CDH12: variants seen among roughly 807,000 people sequenced by gnomAD.
The protein encoded by CDH12 is cadherin-12.
A neutral mutation model predicts 74.1 loss-of-function variants in CDH12; 41 were observed. That is an observed-to-expected ratio of 0.55 (90% CI 0.43 to 0.72). The LOEUF is 0.72. CDH12 is among the 30% of genes least tolerant of loss of function. The pLI, the probability that CDH12 is intolerant of heterozygous loss-of-function variation, is 0.00. For synonymous variants in CDH12, 399 were observed against 355.0 expected (o/e 1.12, Z -1.39); for missense variants, 945 against 977.2 (o/e 0.97, Z 0.44).
intron 4 of CDH12, among the ~76,000 whole-genome samples, chr5:22,084,566 T>A (rs1742942536): frequency 6.6e-6 from 1 of 152,182 alleles, no homozygotes; most frequent in South Asian, 2.1e-4. Flanking sequence ...ATCTCATCCC[T>A]CAATGAGAAC....
chr5:22,635,571 T>C (rs1738795287), intron 1 of CDH12, among the ~76,000 whole-genome samples: 1 of 152,082 alleles, frequency 6.6e-6, no homozygotes, highest in African/African-American at 2.4e-5. Context: ...TGGAAGAAAA[T>C]GTCTTCAAAT....
chr5:22,652,454 T>A (rs1739793464), intron 1 of CDH12, among the ~76,000 whole-genome samples: 1 of 152,186 alleles, frequency 6.6e-6, no homozygotes, highest in African/African-American at 2.4e-5. Flanking sequence ...GACAGGGTAC[T>A]GTTTTCAGTA....
At chr5:22,690,462 G>A (rs1024879308) in intron 1 of CDH12, among the ~76,000 whole-genome samples, 8 of 152,144 alleles carry the variant, frequency 5.3e-5, no homozygotes, top group Non-Finnish European at 8.8e-5. Flanking sequence ...TGGTTAGCAA[G>A]TATTTCATTA....
intron 6 of CDH12, among the ~76,000 whole-genome samples, chr5:21,870,987 A>AT (rs150657781): frequency 1.2e-3 from 187 of 152,296 alleles, no homozygotes; most frequent in African/African-American, 4.3e-3. Flanking sequence ...CCACCTCGAC[A>AT]TTCCAAAGTG....
At chr5:22,458,736 A>G (rs1290484827) in intron 2 of CDH12, among the ~76,000 whole-genome samples, 2 of 152,204 alleles carry the variant, frequency 1.3e-5, no homozygotes, top group Non-Finnish European at 1.5e-5. Flanking sequence ...ATAACACTCT[A>G]TGAACTCAAA....
At chr5:21,891,155 A>C (rs546678115) in intron 6 of CDH12, among the ~76,000 whole-genome samples, 50 of 152,240 alleles carry the variant, frequency 3.3e-4, no homozygotes, top group African/African-American at 1.2e-3. Context: ...GTTCTGTATT[A>C]AACTTTATTT....
intron 1 of CDH12, among the ~76,000 whole-genome samples, chr5:22,623,105 A>G (rs968532567): frequency 2.6e-5 from 4 of 152,196 alleles, no homozygotes; most frequent in African/African-American, 4.8e-5. Flanking sequence ...AAAGGCCTTC[A>G]ACAAAATTCA....
chr5:22,491,181 T>C (rs1160687794), intron 2 of CDH12, among the ~76,000 whole-genome samples: 1 of 152,198 alleles, frequency 6.6e-6, no homozygotes, highest in Non-Finnish European at 1.5e-5. Context: ...CAATGTTTAT[T>C]GTTCCCATCT....
intron 5 of CDH12, among the ~76,000 whole-genome samples, chr5:22,050,971 C>T (rs1195763746): frequency 6.6e-6 from 1 of 152,126 alleles, no homozygotes; most frequent in Non-Finnish European, 1.5e-5. Context: ...TCACAAGGAT[C>T]TCCTGGTTAA....
intron 10 of CDH12, among the ~76,000 whole-genome samples, chr5:21,798,522 G>A (rs1746924355): frequency 6.6e-6 from 1 of 151,962 alleles, no homozygotes; most frequent in Admixed American, 6.6e-5. Flanking sequence ...CATTTGTTAT[G>A]GACTGGATGT....
chr5:22,695,356 A>G (rs1055767728), intron 1 of CDH12, among the ~76,000 whole-genome samples: 5 of 152,124 alleles, frequency 3.3e-5, no homozygotes, highest in African/African-American at 9.7e-5. Context: ...TTGGGTATAT[A>G]CCCAGTATTG....
At chr5:21,775,932 G>C (rs1745561454) in intron 11 of CDH12, among the ~76,000 whole-genome samples, 1 of 151,914 alleles carries the variant, frequency 6.6e-6, no homozygotes, top group Non-Finnish European at 1.5e-5. Context: ...TTCTATAATG[G>C]CTCCCAACGA....
At chr5:22,842,096 T>C (rs890411670) in intron 1 of CDH12, among the ~76,000 whole-genome samples, 11 of 152,144 alleles carry the variant, frequency 7.2e-5, no homozygotes, top group Non-Finnish European at 1.3e-4. Context: ...TTTTTTAAAA[T>C]GAAAACCAAT....
intron 4 of CDH12, among the ~76,000 whole-genome samples, chr5:22,196,365 G>A (rs754398380): frequency 1.3e-5 from 2 of 151,826 alleles, no homozygotes; most frequent in East Asian, 1.9e-4. Flanking sequence ...GGATGGTCTC[G>A]ATCTCTCGAC....
chr5:22,328,730 A>T (rs895283492), intron 3 of CDH12, among the ~76,000 whole-genome samples: 10 of 152,236 alleles, frequency 6.6e-5, no homozygotes, highest in African/African-American at 2.4e-4. Context: ...TGGCAATAAA[A>T]GAAAGTGAAA....
At chr5:22,670,116 C>A (rs1480823807) in intron 1 of CDH12, among the ~76,000 whole-genome samples, 1 of 152,070 alleles carries the variant, frequency 6.6e-6, no homozygotes, top group East Asian at 1.9e-4. Flanking sequence ...TCCAGGAGTG[C>A]TTTTCTAAGA....
At chr5:22,495,711 T>C (rs1747080236) in intron 2 of CDH12, among the ~76,000 whole-genome samples, 1 of 152,122 alleles carries the variant, frequency 6.6e-6, no homozygotes, top group African/African-American at 2.4e-5. Context: ...TTTAGAAATA[T>C]AAGAAAAAAT....
intron 10 of CDH12, among the ~76,000 whole-genome samples, chr5:21,796,498 C>A (rs1262813796): frequency 6.6e-6 from 1 of 151,986 alleles, no homozygotes; most frequent in Non-Finnish European, 1.5e-5. Context: ...AGTCGGGGAA[C>A]AATCTGTACA....
At chr5:21,799,788 A>T (rs1445788074) in intron 10 of CDH12, among the ~76,000 whole-genome samples, 1 of 152,158 alleles carries the variant, frequency 6.6e-6, no homozygotes, top group Non-Finnish European at 1.5e-5. Context: ...AAACATTGGG[A>T]TCAATGCCTA....
Sources: allele counts gnomAD v4.1 joint callset (sites outside exome capture counted in the v4.1 genomes callset), GRCh38; gene constraint gnomAD v4.1.1; transcripts MANE v1.5; gene names NCBI Gene and HGNC (gene_info 2026-07-23, HGNC 2026-07-21).